GABBR2: variants seen among roughly 807,000 people sequenced by gnomAD.
GABBR2 encodes the protein gamma-aminobutyric acid type B receptor subunit 2, also known as G-protein coupled receptor 51.
In GABBR2, 23 loss-of-function variants were observed where a neutral mutation model predicts 105.6. The ratio of observed to expected loss-of-function variants is 0.22; its 90% CI spans 0.16 to 0.31. GABBR2 has a LOEUF of 0.31. Ranked by LOEUF, GABBR2 falls within the 10% of genes least tolerant of loss-of-function variation. GABBR2 has a pLI of 1.00. For synonymous variants in GABBR2, 478 were observed against 499.7 expected (o/e 0.96, Z 0.58); for missense variants, 734 against 1,245.5 (o/e 0.59, Z 6.18).
intron 1 of GABBR2, among the ~76,000 whole-genome samples, chr9:98,623,557 T>C (rs1930130): frequency 0.056 from 8,577 of 152,302 alleles, 878 homozygotes; most frequent in East Asian, 0.45. Flanking sequence ...CAGCATTCCT[T>C]CTACAGCCAC....
intron 3 of GABBR2, among the ~76,000 whole-genome samples, chr9:98,499,040 A>T (rs1827344821): frequency 6.6e-6 from 1 of 152,240 alleles, no homozygotes. Context: ...TACACCTATA[A>T]GATGGGGGCA....
chr9:98,484,679 G>A (rs146673675), intron 4 of GABBR2, among the ~76,000 whole-genome samples: 4 of 152,294 alleles, frequency 2.6e-5, no homozygotes, highest in African/African-American at 9.6e-5. Flanking sequence ...TGTCCCGAGT[G>A]TAGGAAGTGC....
chr9:98,351,702 C>G (rs1831402068), intron 13 of GABBR2, among the ~76,000 whole-genome samples: 1 of 152,178 alleles, frequency 6.6e-6, no homozygotes, highest in Non-Finnish European at 1.5e-5. Context: ...TGCTGAATTT[C>G]ACATTCAGAT....
At chr9:98,429,120 TG>T (rs1321061355) in intron 7 of GABBR2, among the ~76,000 whole-genome samples, 3 of 124,684 alleles carry the variant, frequency 2.4e-5, no homozygotes, top group African/African-American at 1.0e-4. Context: ...CCCAGGTTTT[TG>T]GTGTGTGTGT....
chr9:98,359,791 C>T (rs1023328272), intron 13 of GABBR2, among the ~76,000 whole-genome samples: 19 of 152,160 alleles, frequency 1.2e-4, no homozygotes, highest in Non-Finnish European at 2.5e-4. Flanking sequence ...GCTGGGTGGG[C>T]TGTGTGGAGG....
chr9:98,308,216 C>A (rs1588092212), intron 14 of GABBR2, among the ~76,000 whole-genome samples: 2 of 152,146 alleles, frequency 1.3e-5, no homozygotes, highest in Non-Finnish European at 1.5e-5. Context: ...GATGGGCCAC[C>A]AAGCCACTGT....
At chr9:98,685,039 G>C (rs893686004) in intron 1 of GABBR2, among the ~76,000 whole-genome samples, 2 of 152,218 alleles carry the variant, frequency 1.3e-5, no homozygotes, top group Non-Finnish European at 2.9e-5. Flanking sequence ...ATTTGAGTCA[G>C]TGAACTAGGA....
At chr9:98,601,731 A>G (rs1264896645) in intron 1 of GABBR2, among the ~76,000 whole-genome samples, 1 of 152,158 alleles carries the variant, frequency 6.6e-6, no homozygotes, top group Non-Finnish European at 1.5e-5. Flanking sequence ...GGTCTCTTGA[A>G]GCTCTGTTAA....
rs1439109970 is a variant in GABBR2 at position 98,496,525 on chromosome 9, A to G, written c.631-11T>C. Reference sequence around the variant, plus strand: ...CAGGTCATTCCGCACCTGTCAGCAAAGAGAAAGCAGAGGGTGGGTGTGCTG... The same window carrying G: ...CAGGTCATTCCGCACCTGTCAGCAAGGAGAAAGCAGAGGGTGGGTGTGCTG... On this transcript the variant is annotated splice_polypyrimidine_tract_variant and intron_variant, in intron 3 of 18. Transcript: ENST00000259455. The G allele has an allele frequency of 1.9e-6, 3 of 1,575,044 alleles. No individual in the cohort carries two copies. Among genetic ancestry groups the G allele is most frequent in the African/African-American group, 1.3e-5 (1 of 74,214 alleles).
intron 13 of GABBR2, chr9:98,362,451 A>C: frequency 4.6e-6 from 1 of 216,356 alleles, no homozygotes; most frequent in Non-Finnish European, 9.1e-6. Flanking sequence ...TTATAAATGA[A>C]GGCTTCTACA....
chr9:98,662,367 G>A (rs1258102582), intron 1 of GABBR2, among the ~76,000 whole-genome samples: 1 of 152,160 alleles, frequency 6.6e-6, no homozygotes, highest in African/African-American at 2.4e-5. Context: ...TAAGGAACTT[G>A]GAATCAGATG....
At chr9:98,633,197 GGTGTGAGAA>G (rs1046868795) in intron 1 of GABBR2, among the ~76,000 whole-genome samples, 6 of 152,136 alleles carry the variant, frequency 3.9e-5, no homozygotes, top group East Asian at 1.9e-4. Flanking sequence ...CTGTCAGGGT[GGTGTGAGAA>G]GTGTGAGAAG....
chr9:98,602,127 A>G (rs1455539585), intron 1 of GABBR2, among the ~76,000 whole-genome samples: 1 of 151,616 alleles, frequency 6.6e-6, no homozygotes, highest in East Asian at 1.9e-4. Context: ...CAGCCTCCTG[A>G]GTAGCTGGGA....
At chr9:98,327,813 G>A (rs772963217) in intron 13 of GABBR2, among the ~76,000 whole-genome samples, 5 of 151,724 alleles carry the variant, frequency 3.3e-5, no homozygotes, top group Non-Finnish European at 7.4e-5. Flanking sequence ...AAGTTACAGT[G>A]AGTCAAGATT....
intron 3 of GABBR2, among the ~76,000 whole-genome samples, chr9:98,503,936 A>G (rs1827454281): frequency 6.6e-6 from 1 of 152,140 alleles, no homozygotes; most frequent in Admixed American, 6.5e-5. Context: ...GCTTTCCAGG[A>G]GTTTCCAATG....
chr9:98,630,213 G>A (rs1028013504), intron 1 of GABBR2, among the ~76,000 whole-genome samples: 3 of 152,178 alleles, frequency 2.0e-5, no homozygotes, highest in Admixed American at 6.5e-5. Context: ...GAAGCATCCA[G>A]AGAAGGCAGC....
chr9:98,627,160 G>C (rs1337752828), intron 1 of GABBR2, among the ~76,000 whole-genome samples: 1 of 152,154 alleles, frequency 6.6e-6, no homozygotes, highest in Non-Finnish European at 1.5e-5. Flanking sequence ...ATTTGGGACA[G>C]TGACCCCCAA....
At chr9:98,584,064 G>A (rs1201527440) in intron 1 of GABBR2, among the ~76,000 whole-genome samples, 1 of 152,170 alleles carries the variant, frequency 6.6e-6, no homozygotes, top group Non-Finnish European at 1.5e-5. Context: ...ATTGCTCTCA[G>A]AGCCACTCTA....
At chr9:98,555,295 A>G (rs1828565750) in intron 2 of GABBR2, among the ~76,000 whole-genome samples, 1 of 152,212 alleles carries the variant, frequency 6.6e-6, no homozygotes, top group African/African-American at 2.4e-5. Flanking sequence ...GAAGGAAAGG[A>G]TTTGCTCAAA....
Sources: allele counts gnomAD v4.1 joint callset (sites outside exome capture counted in the v4.1 genomes callset), GRCh38; gene constraint gnomAD v4.1.1; transcripts MANE v1.5; gene names NCBI Gene and HGNC (gene_info 2026-07-23, HGNC 2026-07-21).